COL5A1: variants seen among roughly 807,000 people sequenced by gnomAD.
The protein encoded by COL5A1 is collagen type V alpha 1 chain.
Under a neutral mutation model 263.7 loss-of-function variants are expected in COL5A1, and 16 were observed. The ratio of observed to expected loss-of-function variants is 0.06; its 90% CI spans 0.04 to 0.09. The LOEUF (loss-of-function observed/expected upper bound fraction) is 0.09, where lower values mean the gene tolerates loss of function less well. Ranked by LOEUF, COL5A1 falls within the 10% of genes least tolerant of loss-of-function variation. COL5A1 has a pLI of 1.00. For missense variants in COL5A1, 2,036 were observed against 2,540.5 expected (o/e 0.80, Z 4.27); for synonymous variants, 1,012 against 1,004.5 (o/e 1.01, Z -0.14).
At chr9:134,771,118 C>A (rs563942917) in intron 25 of COL5A1, among the ~76,000 whole-genome samples, 13 of 152,248 alleles carry the variant, frequency 8.5e-5, no homozygotes, top group African/African-American at 2.4e-4. Context: ...TTATCTCCAG[C>A]CTGGAACTGA....
chr9:134,770,843 C>T (rs544997254), intron 25 of COL5A1, among the ~76,000 whole-genome samples: 14 of 152,336 alleles, frequency 9.2e-5, no homozygotes, highest in African/African-American at 1.7e-4. Flanking sequence ...GAAAATCAGT[C>T]GTGGTTATCT....
In COL5A1 at chr9:134,672,757, CTA is replaced by C. The variant is rs1423717804; in HGVS notation, c.110-18153_110-18152del. Among the ~76,000 whole-genome samples the C allele has an allele frequency of 9.9e-5, 15 of 152,198 alleles. No individual in the cohort carries two copies. In the South Asian group the frequency reaches 1.7e-3, roughly 17 times the overall value. On this transcript the variant is annotated intron_variant, in intron 1 of 65. Coordinates refer to ENST00000371817, the MANE Select transcript of COL5A1 (RefSeq NM_000093.5). ...CTTTATTTGCAGATCACATTAGTGA[CTA>C]TGTGAAAAAAATTCTAAGGAATCTA...
chr9:134,729,951 T>C (rs1834816735), intron 6 of COL5A1, among the ~76,000 whole-genome samples: 2 of 152,318 alleles, frequency 1.3e-5, no homozygotes, highest in South Asian at 2.1e-4. Flanking sequence ...TACTGAGATA[T>C]GATTCACCCT....
intron 4 of COL5A1, among the ~76,000 whole-genome samples, chr9:134,717,847 G>C (rs1046553729): frequency 6.6e-6 from 1 of 152,194 alleles, no homozygotes; most frequent in Non-Finnish European, 1.5e-5. Context: ...ACCCTGTTTC[G>C]GTTGGACGAG....
chr9:134,767,367 G>A lies in COL5A1; in HGVS notation c.2232+13G>A. On this transcript the variant is annotated intron_variant, in intron 24 of 65. Coordinates refer to ENST00000371817, the MANE Select transcript of COL5A1 (RefSeq NM_000093.5). ...TCCAGGAGAAAAGGTAGGTGGGCCT[G>A]GGCTGTGTTGCAGGCCACTGCCCGC... 2.5e-6 allele frequency: 4 copies of A among 1,613,700 alleles called. No homozygotes were observed. The South Asian group carries it at 4.4e-5, about 18-fold the overall frequency.
At chr9:134,788,999 G>A (rs1226735323) in intron 31 of COL5A1, among the ~76,000 whole-genome samples, 156 bp from the exon 32 acceptor site, 3 of 150,200 alleles carry the variant, frequency 2.0e-5, no homozygotes, top group Non-Finnish European at 4.5e-5. Context: ...TAGGTGAGAA[G>A]GTAGGTAGAC....
intron 22 of COL5A1, 23 bp downstream of exon 22, chr9:134,766,521 C>T: frequency 6.2e-7 from 1 of 1,613,292 alleles, no homozygotes; most frequent in South Asian, 1.1e-5. Flanking sequence ...GGTCCCGTGG[C>T]CTGGCTTCAG....
intron 4 of COL5A1, among the ~76,000 whole-genome samples, chr9:134,710,947 G>A (rs1247059810): frequency 7.4e-5 from 11 of 147,846 alleles, no homozygotes. Flanking sequence ...TGGTGGGGGA[G>A]GGGCCCCGTC....
intron 1 of COL5A1, among the ~76,000 whole-genome samples, chr9:134,662,449 C>A (rs952273231): frequency 1.3e-5 from 2 of 152,252 alleles, no homozygotes; most frequent in Non-Finnish European, 2.9e-5. Flanking sequence ...TGTTTTCAGG[C>A]CTGCCGGTGC....
chr9:134,731,948 G>T, intron 8 of COL5A1, 123 bp from the exon 9 acceptor site: 1 of 1,151,880 alleles, frequency 8.7e-7, no homozygotes, highest in East Asian at 2.4e-5. Flanking sequence ...CCTGGGCCTG[G>T]GGAGATGCCC....
Position 134,820,133 on chromosome 9 carries a change from C to G in COL5A1, c.4464C>G (p.Ile1488Met). 5 of 1,613,836 alleles carry G rather than the reference C, an allele frequency of 3.1e-6. No homozygotes were observed. The highest frequency in any genetic ancestry group is 2.2e-5 in the East Asian group (1 of 44,890). ...TCCCACAGGGTCATCCAGGCCTGAT[C>G]GGGCTCATCGGTCCTCCGGGTGAAC... is the stretch of plus-strand genomic sequence containing the variant. ...PKGEKGHPGL[I>M]GLIGPPGEQG... is the part of the protein sequence containing the mutation. The change falls in exon 58 of 66, where the codon ATC (isoleucine) becomes ATG (methionine). Residue 1488 changes from isoleucine to methionine, a missense_variant. Ile to Met is a conservative substitution (Grantham distance 10). This residue lies in a region of COL5A1 where 1,078 missense variants were observed against 1,521.4 expected (regional missense o/e 0.71). Coordinates refer to ENST00000371817, the MANE Select transcript of COL5A1 (RefSeq NM_000093.5).
At chr9:134,817,004 C>G (rs768099793) in intron 52 of COL5A1, 22 bp from the exon 53 acceptor site, 3 of 1,612,810 alleles carry the variant, frequency 1.9e-6, no homozygotes, top group Non-Finnish European at 2.5e-6. Flanking sequence ...TCCTCACACT[C>G]TGTTCTTTCT....
intron 4 of COL5A1, among the ~76,000 whole-genome samples, chr9:134,722,994 A>C (rs1271739315): frequency 6.6e-6 from 1 of 152,210 alleles, no homozygotes; most frequent in Non-Finnish European, 1.5e-5. Flanking sequence ...CCCCCAGTTT[A>C]CTGTGATGGG....
intron 64 of COL5A1, chr9:134,832,797 C>T (rs968138276): frequency 1.3e-5 from 2 of 152,254 alleles, no homozygotes; most frequent in Non-Finnish European, 2.9e-5. Flanking sequence ...CGCCGATAGC[C>T]CTGGGACTGC....
chr9:134,741,241 A>C lies in COL5A1; in HGVS notation c.1494+2433A>C, dbSNP rs958968549. On this transcript the variant is annotated intron_variant, in intron 11 of 65. Transcript: ENST00000371817. The surrounding 1 kb of genome is among the most constrained non-coding windows in gnomAD (Gnocchi z 4.5). The stretch of plus-strand genomic sequence containing the variant: ...ACATTGTCTCTGCCCTCGGAGGTTG[A>C]GCATCTGGGGCCTCCAAAAGACAGA... Among the ~76,000 whole-genome samples the C allele has an allele frequency of 6.6e-6, 1 of 152,226 alleles. No homozygotes were observed. The highest frequency in any genetic ancestry group is 6.5e-5 in the Admixed American group (1 of 15,286).
At chr9:134,769,283 G>C (rs935194270) in intron 25 of COL5A1, among the ~76,000 whole-genome samples, 6 of 152,224 alleles carry the variant, frequency 3.9e-5, no homozygotes, top group African/African-American at 1.4e-4. Flanking sequence ...AGTTGGCCCA[G>C]TGACTCCCAC....
At chr9:134,778,045 TC>T (rs1837114503) in intron 27 of COL5A1, among the ~76,000 whole-genome samples, 1 of 152,152 alleles carries the variant, frequency 6.6e-6, no homozygotes, top group Admixed American at 6.5e-5. Flanking sequence ...GTAGCTCATC[TC>T]CTAAAAAGCC....
intron 4 of COL5A1, among the ~76,000 whole-genome samples, chr9:134,715,557 C>T (rs953945190): frequency 4.6e-5 from 7 of 152,206 alleles, no homozygotes; most frequent in African/African-American, 1.7e-4. Flanking sequence ...GAACTTTGGA[C>T]AATACCTGGC....
chr9:134,664,329 A>G (rs547552172), intron 1 of COL5A1, among the ~76,000 whole-genome samples: 13 of 152,346 alleles, frequency 8.5e-5, no homozygotes, highest in African/African-American at 3.1e-4. Context: ...AGTATGACGT[A>G]AGCCCCTGCA....
Sources: gnomAD v4.1 joint callset for allele counts (sites outside exome capture counted in the v4.1 genomes callset) on GRCh38, gnomAD v4.1.1 for gene constraint, gnomAD v4.1.1 regional missense constraint, Gnocchi (gnomAD v3.1) non-coding constraint, MANE v1.5 for transcripts, NCBI Gene and HGNC (gene_info 2026-07-23, HGNC 2026-07-21) for gene names.